The following CNTN5 variants were observed in gnomAD, a reference collection of about 807,000 sequenced individuals.
CNTN5 encodes contactin-5.
CNTN5 carries 77 observed loss-of-function variants against 129.1 expected under a neutral mutation model. The ratio of observed to expected loss-of-function variants is 0.60; its 90% CI spans 0.50 to 0.72. The LOEUF is 0.72. Ranked by LOEUF, CNTN5 falls within the 30% of genes least tolerant of loss-of-function variation. CNTN5 has a pLI of 0.00. For synonymous variants in CNTN5, 509 were observed against 465.6 expected (o/e 1.09, Z -1.20); for missense variants, 1,478 against 1,328.8 (o/e 1.11, Z -1.75).
intron 2 of CNTN5, among the ~76,000 whole-genome samples, chr11:99,507,368 T>A (rs1451868757): frequency 1.7e-5 from 2 of 118,242 alleles, no homozygotes; most frequent in East Asian, 2.8e-4. Context: ...AAAAGGAGAC[T>A]CTGTCTCAAA....
At chr11:99,117,380 C>G (rs937548852) in intron 1 of CNTN5, among the ~76,000 whole-genome samples, 2 of 152,086 alleles carry the variant, frequency 1.3e-5, no homozygotes, top group African/African-American at 2.4e-5. Flanking sequence ...CTGTCCTACC[C>G]AAGGATGACC....
At chr11:99,997,768 C>A (rs1394081220) in intron 8 of CNTN5, among the ~76,000 whole-genome samples, 1 of 152,040 alleles carries the variant, frequency 6.6e-6, no homozygotes, top group Admixed American at 6.6e-5. Flanking sequence ...AAAATACTGG[C>A]AAACCGAATC....
intron 3 of CNTN5, among the ~76,000 whole-genome samples, chr11:99,784,804 T>TG (rs1362320830): frequency 2.8e-5 from 4 of 145,224 alleles, no homozygotes; most frequent in Non-Finnish European, 6.0e-5. Flanking sequence ...TGTTTTTTTT[T>TG]TTTTTTTTTT....
chr11:99,424,673 G>A (rs1309450215), intron 2 of CNTN5, among the ~76,000 whole-genome samples: 2 of 152,270 alleles, frequency 1.3e-5, no homozygotes, highest in East Asian at 1.9e-4. Flanking sequence ...GAGCCCCAAA[G>A]AGGGTGTCAC....
intron 9 of CNTN5, among the ~76,000 whole-genome samples, chr11:100,059,945 A>G (rs768930274): frequency 7.9e-5 from 12 of 152,250 alleles, no homozygotes; most frequent in Non-Finnish European, 1.8e-4. Flanking sequence ...ATGCTGGCTC[A>G]TGCCTGTAAT....
intron 2 of CNTN5, among the ~76,000 whole-genome samples, chr11:99,337,711 G>A (rs991148655): frequency 3.3e-5 from 5 of 152,136 alleles, no homozygotes; most frequent in African/African-American, 1.2e-4. Flanking sequence ...CTGGATTTTG[G>A]GGGGCTTGCT....
intron 8 of CNTN5, among the ~76,000 whole-genome samples, chr11:99,969,417 G>C (rs906288991): frequency 8.5e-5 from 13 of 152,170 alleles, no homozygotes; most frequent in African/African-American, 2.6e-4. Context: ...CTTTTGCAGT[G>C]GTGGCAAAGA....
intron 13 of CNTN5, among the ~76,000 whole-genome samples, chr11:100,078,123 C>G (rs556256617): frequency 4.6e-5 from 7 of 152,088 alleles, no homozygotes; most frequent in African/African-American, 7.2e-5. Context: ...GCCAAATAAC[C>G]ATTTGGCTCA....
chr11:99,326,056 A>T lies in CNTN5; in HGVS notation c.-71+572A>T, dbSNP rs552703080. Among the ~76,000 whole-genome samples the T allele has an allele frequency of 4.2e-4, 64 of 152,346 alleles. No homozygotes were observed. The South Asian group carries it at 5.4e-3, about 13-fold the overall frequency. Reference sequence around the variant, plus strand: ...CGCATTCTTACATATTTACGTAACCAACAGAAATTACTAAAGAGTGATTCA... The same window carrying T: ...CGCATTCTTACATATTTACGTAACCTACAGAAATTACTAAAGAGTGATTCA... On this transcript the variant is annotated intron_variant, in intron 2 of 24. Coordinates refer to ENST00000524871, the MANE Select transcript of CNTN5 (RefSeq NM_014361.4).
At chr11:99,551,917 T>C (rs1196739098) in intron 2 of CNTN5, among the ~76,000 whole-genome samples, 2 of 151,718 alleles carry the variant, frequency 1.3e-5, no homozygotes, top group African/African-American at 4.8e-5. Context: ...TTTCTTTTTT[T>C]TTTTTTTTGA....
chr11:99,601,878 T>G (rs1466651403), intron 3 of CNTN5, among the ~76,000 whole-genome samples: 1 of 152,188 alleles, frequency 6.6e-6, no homozygotes, highest in Non-Finnish European at 1.5e-5. Context: ...GTTACTTTGC[T>G]CAATAGTAGA....
intron 3 of CNTN5, among the ~76,000 whole-genome samples, chr11:99,706,975 T>C (rs1954783322): frequency 6.6e-6 from 1 of 151,192 alleles, no homozygotes; most frequent in Non-Finnish European, 1.5e-5. Context: ...GCTAATCACA[T>C]TCCCACCAGG....
At chr11:99,694,323 A>G (rs1445439675) in intron 3 of CNTN5, among the ~76,000 whole-genome samples, 2 of 152,102 alleles carry the variant, frequency 1.3e-5, no homozygotes, top group Non-Finnish European at 2.9e-5. Context: ...AATGTTATCT[A>G]TGGCTGTTCC....
rs565266491 is a variant in CNTN5 at position 99,655,344 on chromosome 11, C to T, written c.55+99075C>T. Among the ~76,000 whole-genome samples, 3 of 152,234 alleles carry T rather than the reference C, an allele frequency of 2.0e-5. No individual in the cohort carries two copies. The East Asian group carries it at 5.8e-4, about 29-fold the overall frequency. On this transcript the variant is annotated intron_variant, in intron 3 of 24. Coordinates refer to ENST00000524871, the MANE Select transcript of CNTN5 (RefSeq NM_014361.4). ...AGAAGTGGTCCAAAGTACAGCCTGA[C>T]TAATACTAAGTTATGATTATATTTC...
At chr11:100,135,790 T>G (rs1230174611) in intron 13 of CNTN5, among the ~76,000 whole-genome samples, 1 of 152,140 alleles carries the variant, frequency 6.6e-6, no homozygotes, top group Non-Finnish European at 1.5e-5. Context: ...GTTGCTGGTA[T>G]TATTTTGTAA....
intron 20 of CNTN5, among the ~76,000 whole-genome samples, chr11:100,303,564 GCGCTTTA>G (rs1406927020): frequency 0.033 from 437 of 13,376 alleles, 2 homozygotes; most frequent in African/African-American, 0.11. Flanking sequence ...TACTTGTGAT[GCGCTTTA>G]TCCTTTATCC....
chr11:99,371,579 A>G (rs1939826351), intron 2 of CNTN5, among the ~76,000 whole-genome samples: 1 of 152,156 alleles, frequency 6.6e-6, no homozygotes. Context: ...AATAGAATTA[A>G]ACGTATTTGA....
intron 3 of CNTN5, among the ~76,000 whole-genome samples, chr11:99,655,785 C>A (rs1004118415): frequency 6.6e-6 from 1 of 151,822 alleles, no homozygotes; most frequent in South Asian, 2.1e-4. Context: ...CACATACACA[C>A]ATAGGTAATG....
Position 99,530,648 on chromosome 11 carries a change from C to T in CNTN5, c.-70-25497C>T, listed in dbSNP as rs1947664770. Among the ~76,000 whole-genome samples the T allele has an allele frequency of 2.0e-5, 3 of 152,204 alleles. No individual in the cohort carries two copies. In the South Asian group the frequency reaches 6.2e-4, roughly 31 times the overall value. On this transcript the variant is annotated intron_variant, in intron 2 of 24. Transcript: ENST00000524871. ...AACTTGAATTGTATCTCCCAGGATT[C>T]TCACATGTTGTGGGAAGGACCCAAG...
Sources: allele counts gnomAD v4.1 joint callset (sites outside exome capture counted in the v4.1 genomes callset), GRCh38; gene constraint gnomAD v4.1.1; transcripts MANE v1.5; gene names NCBI Gene and HGNC (gene_info 2026-07-23, HGNC 2026-07-21).